The following ANK3 variants were observed in gnomAD, a reference collection of about 807,000 sequenced individuals.
ANK3 encodes ankyrin-3.
Under a neutral mutation model 370.9 loss-of-function variants are expected in ANK3, and 57 were observed. The observed-to-expected ratio is 0.15, with a 90% CI of 0.12 to 0.19. The LOEUF is 0.19. ANK3 is among the 10% of genes least tolerant of loss of function. ANK3 has a pLI of 1.00. For missense variants in ANK3, 4,439 were observed against 5,302.1 expected, an observed-to-expected ratio of 0.84 and a Z score of 5.06; for synonymous variants, 1,929 against 1,946.3, an observed-to-expected ratio of 0.99 and a Z score of 0.23.
intron 18 of ANK3, among the ~76,000 whole-genome samples, 172 bp downstream of exon 18, chr10:60,181,156 TG>T (rs1190891580): frequency 3.9e-5 from 6 of 152,320 alleles, no homozygotes; most frequent in African/African-American, 1.4e-4. Flanking sequence ...CAAAAGTCCC[TG>T]GAATACGGCA....
At chr10:60,377,829 TC>T (rs1335252718) in intron 1 of ANK3, among the ~76,000 whole-genome samples, 2 of 152,182 alleles carry the variant, frequency 1.3e-5, no homozygotes, top group Admixed American at 6.5e-5. Context: ...GATTTCCTCA[TC>T]AGCAAAATGC....
intron 2 of ANK3, among the ~76,000 whole-genome samples, chr10:60,490,726 G>A (rs1337507270): frequency 6.6e-6 from 1 of 151,898 alleles, no homozygotes; most frequent in East Asian, 1.9e-4. Context: ...ATTCTATCTT[G>A]GAAAAAAATT....
At chr10:60,174,847 G>A (rs1209081883) in intron 18 of ANK3, among the ~76,000 whole-genome samples, 2 of 151,974 alleles carry the variant, frequency 1.3e-5, no homozygotes, top group Non-Finnish European at 2.9e-5. Context: ...TCTATCTCAA[G>A]TAGCTGTGAC....
At chr10:60,495,614 A>G (rs1345287698) in intron 2 of ANK3, among the ~76,000 whole-genome samples, 1 of 152,210 alleles carries the variant, frequency 6.6e-6, no homozygotes, top group Non-Finnish European at 1.5e-5. Context: ...AGGACAAAAC[A>G]ATGTTATGAG....
At chr10:60,644,869 G>A (rs2078688634) in intron 1 of ANK3, among the ~76,000 whole-genome samples, 1 of 113,656 alleles carries the variant, frequency 8.8e-6, no homozygotes. Context: ...ATTCAGGCCT[G>A]AATTACAGAT....
intron 2 of ANK3, among the ~76,000 whole-genome samples, chr10:60,410,382 C>T (rs906093873): frequency 3.9e-5 from 6 of 151,994 alleles, no homozygotes; most frequent in Admixed American, 3.3e-4. Context: ...GAAGGGGCAA[C>T]GTCTGTTTTT....
chr10:60,467,436 T>G (rs960938101), intron 2 of ANK3, among the ~76,000 whole-genome samples: 1 of 152,172 alleles, frequency 6.6e-6, no homozygotes, highest in Admixed American at 6.5e-5. Context: ...TTTAGCAGGA[T>G]GTGGGAGGTA....
rs553571203 is a variant in ANK3 at position 60,297,602 on chromosome 10, C to T, written c.115-17963G>A. Among the ~76,000 whole-genome samples, 34 of 152,060 alleles carry T rather than the reference C, an allele frequency of 2.2e-4. No individual in the cohort carries two copies. The South Asian group carries it at 5.4e-3, about 24-fold the overall frequency. ...TTTGCATTAGGATAGAATTGGCAAA[C>T]GTATTTACTTTGCGACTAAAAATGT... On this transcript the variant is annotated intron_variant, in intron 1 of 43. Transcript: ENST00000280772.
chr10:60,187,446 C>T (rs1285761423), intron 16 of ANK3, among the ~76,000 whole-genome samples: 10 of 152,112 alleles, frequency 6.6e-5, no homozygotes, highest in Non-Finnish European at 1.5e-4. Context: ...TGAGTCACTG[C>T]GCCCGGCTTA....
intron 1 of ANK3, among the ~76,000 whole-genome samples, chr10:60,280,392 G>T (rs2098143206): frequency 6.6e-6 from 1 of 152,130 alleles, no homozygotes; most frequent in Non-Finnish European, 1.5e-5. Context: ...ACAGATATTT[G>T]CAGGCAATGA....
intron 38 of ANK3, among the ~76,000 whole-genome samples, chr10:60,066,547 G>GAGCA (rs10634072): frequency 0.7 from 105,705 of 150,892 alleles, 37,339 homozygotes; most frequent in East Asian, 0.95. Context: ...GTATACCTGA[G>GAGCA]AGCAGAGACT....
Position 60,123,862 on chromosome 10 carries a change from C to T in ANK3, c.2842-9531G>A, listed in dbSNP as rs148896216. Among the ~76,000 whole-genome samples the T allele has an allele frequency of 3.2e-3, 494 of 152,324 alleles. 1 individual carries two copies. Among genetic ancestry groups the T allele is most frequent in the Non-Finnish European group, 5.8e-3 (393 of 68,036 alleles). ...GGCTATCAGGGATAACTTCACTCTA[C>T]GGCCACAACTTGGACAGGGCCAAGG... On this transcript the variant is annotated intron_variant, in intron 25 of 43. Coordinates refer to ENST00000280772, the MANE Select transcript of ANK3 (RefSeq NM_020987.5).
intron 2 of ANK3, among the ~76,000 whole-genome samples, chr10:60,609,464 A>T (rs1034254247): frequency 1.3e-5 from 2 of 152,126 alleles, no homozygotes; most frequent in African/African-American, 4.8e-5. Context: ...GTGCGTTTAG[A>T]TGTGACAATA....
rs373606776 is a variant in ANK3, at chr10:60,042,682, C to G, written c.*9G>C. The G allele has an allele frequency of 4.8e-5, 77 of 1,613,856 alleles. No homozygotes were observed. In the African/African-American group the frequency reaches 8.9e-4, roughly 19 times the overall value. ...ATGAACACACCTCACCTTGACTGAC[C>G]GTTCGCTGTTACGAGTGGCTCTTCT... is the stretch of plus-strand genomic sequence containing the variant. On this transcript the variant is annotated 3_prime_UTR_variant, in exon 43 of 44. Transcript: ENST00000280772.
At chr10:60,297,407 C>T (rs980427991) in intron 1 of ANK3, among the ~76,000 whole-genome samples, 1 of 152,038 alleles carries the variant, frequency 6.6e-6, no homozygotes, top group Non-Finnish European at 1.5e-5. Context: ...TTATGCTTAA[C>T]GAGTGATTAT....
chr10:60,712,398 A>C (rs144216621), intron 1 of ANK3, among the ~76,000 whole-genome samples: 193 of 152,338 alleles, frequency 1.3e-3, no homozygotes, highest in African/African-American at 4.3e-3. Flanking sequence ...TGTATTATTC[A>C]TGTACTGGTG....
Position 60,198,444 on chromosome 10 carries a change from T to C in ANK3, c.1585A>G (p.Thr529Ala). ...LQQGASPNAA[T>A]TSGYTPLHLS... ...TGAAGTGGGGTGTACCCAGAAGTTGTGGCTGCATTTGGAGATGCCCCTTGC... is the reference window on the plus strand; with the variant it reads ...TGAAGTGGGGTGTACCCAGAAGTTGCGGCTGCATTTGGAGATGCCCCTTGC... The change falls in exon 14 of 44, where the codon ACA becomes GCA. Residue 529 changes from threonine (T) to alanine (A), a missense_variant. This residue lies in a region of ANK3 where 227 missense variants were observed against 377.6 expected (regional missense o/e 0.60). Coordinates refer to ENST00000280772, the MANE Select transcript of ANK3 (RefSeq NM_020987.5). 6.2e-7 allele frequency: 1 copy of C among 1,614,216 alleles called. No homozygotes were observed. Among genetic ancestry groups the C allele is most frequent in the South Asian group, 1.1e-5 (1 of 91,082 alleles).
At position 60,601,181 on chromosome 10, in the gene ANK3, A is replaced by ACACACT. The variant is rs1221066353; in HGVS notation, c.96+14004_96+14005insAGTGTG. Among the ~76,000 whole-genome samples, 4 of 151,472 alleles carry ACACACT rather than the reference A, an allele frequency of 2.6e-5. No homozygotes were observed. In the East Asian group the frequency reaches 7.8e-4, roughly 29 times the overall value. On this transcript the variant is annotated intron_variant, in intron 2 of 43. Coordinates refer to the ANK3 transcript ENST00000373827. ...TTAAACATTTATACAACGCACACAC[A>ACACACT]CACACACACACACACATACCCGCAC...
intron 1 of ANK3, among the ~76,000 whole-genome samples, chr10:60,698,709 A>G (rs1481740034): frequency 1.5e-5 from 2 of 129,110 alleles, no homozygotes; most frequent in Admixed American, 1.8e-4. Context: ...CAATGAGATC[A>G]CATGGACACA....
Sources: gnomAD v4.1 joint callset for allele counts (sites outside exome capture counted in the v4.1 genomes callset) on GRCh38, gnomAD v4.1.1 for gene constraint, gnomAD v4.1.1 regional missense constraint, MANE v1.5 for transcripts, NCBI Gene and HGNC (gene_info 2026-07-23, HGNC 2026-07-21) for gene names.